The following NPAS2 variants were observed in gnomAD, a reference collection of about 807,000 sequenced individuals.
NPAS2 encodes the protein neuronal PAS domain-containing protein 2.
NPAS2 carries 23 observed loss-of-function variants against 107.5 expected under a neutral mutation model. The ratio of observed to expected loss-of-function variants is 0.21; its 90% CI spans 0.15 to 0.30. NPAS2 has a LOEUF of 0.30. NPAS2 is among the 10% of genes least tolerant of loss of function. The pLI is 1.00. For synonymous variants in NPAS2, 403 were observed against 417.5 expected, an observed-to-expected ratio of 0.97 and a Z score of 0.42; for missense variants, 756 against 1,043.3, an observed-to-expected ratio of 0.72 and a Z score of 3.79.
chr2:100,925,968 C>A (rs1209265812), intron 3 of NPAS2, among the ~76,000 whole-genome samples: 5 of 152,150 alleles, frequency 3.3e-5, no homozygotes. Flanking sequence ...CAGATCCTGG[C>A]AACCACGAAT....
At chr2:100,881,286 C>G (rs1330282370) in intron 1 of NPAS2, among the ~76,000 whole-genome samples, 1 of 152,222 alleles carries the variant, frequency 6.6e-6, no homozygotes, top group East Asian at 1.9e-4. Context: ...TCCGCCTCAC[C>G]TGGAAGCTGG....
chr2:100,870,573 T>C (rs1261590912), intron 1 of NPAS2, among the ~76,000 whole-genome samples: 2 of 152,186 alleles, frequency 1.3e-5, no homozygotes, highest in African/African-American at 4.8e-5. Context: ...TTTTTGTGTT[T>C]TTGTAGAGAT....
intron 7 of NPAS2, among the ~76,000 whole-genome samples, chr2:100,961,680 G>T (rs1386052500): frequency 6.6e-6 from 1 of 152,180 alleles, no homozygotes; most frequent in Non-Finnish European, 1.5e-5. Context: ...CATGGTCCAG[G>T]TCGCTGCTGC....
chr2:100,934,305 T>C (rs1357428760), intron 4 of NPAS2: 2 of 144,348 alleles, frequency 1.4e-5, no homozygotes, highest in Non-Finnish European at 3.0e-5. Flanking sequence ...TAAGAGCCTG[T>C]AGCACAACCT....
chr2:100,867,977 T>A (rs182160510), intron 1 of NPAS2, among the ~76,000 whole-genome samples: 1 of 152,338 alleles, frequency 6.6e-6, no homozygotes, highest in Admixed American at 6.5e-5. Context: ...TAAATTTCAA[T>A]TTAATTAATG....
chr2:100,850,912 C>T (rs1678128111), intron 1 of NPAS2, among the ~76,000 whole-genome samples: 1 of 117,156 alleles, frequency 8.5e-6, no homozygotes, highest in African/African-American at 3.4e-5. Flanking sequence ...AAGATCGCAC[C>T]ATTGTACTCT....
At chr2:100,862,780 C>T (rs538938955) in intron 1 of NPAS2, among the ~76,000 whole-genome samples, 2 of 152,296 alleles carry the variant, frequency 1.3e-5, no homozygotes, top group South Asian at 2.1e-4. Flanking sequence ...AGACAGTGCT[C>T]CACTTCCTGT....
chr2:100,900,306 A>C (rs114539037), intron 1 of NPAS2, among the ~76,000 whole-genome samples: 305 of 152,338 alleles, frequency 2.0e-3, no homozygotes, highest in African/African-American at 6.9e-3. Context: ...ATCTTACAAA[A>C]GAAGATATCT....
Position 100,820,991 on chromosome 2 carries a change from GC to G in NPAS2, c.-23+584del. On this transcript the variant is annotated intron_variant, in intron 1 of 20. Transcript: ENST00000335681. The surrounding 1 kb of genome is among the most constrained non-coding windows in gnomAD (Gnocchi z 5.6). Reference sequence around the variant, plus strand: ...CAGCCTGGCTCCTCACGTCGCTGCCGCCCCCCCACCCCAACTCCGGAGCTCC... The same window carrying G: ...CAGCCTGGCTCCTCACGTCGCTGCCGCCCCCCACCCCAACTCCGGAGCTCC... 2.4e-6 allele frequency: 3 copies of G among 1,260,164 alleles called. No individual in the cohort carries two copies. Among genetic ancestry groups the G allele is most frequent in the African/African-American group, 1.6e-5 (1 of 64,146 alleles). The allele number at this position is 1,260,164 out of a possible 1,614,324, so 78.1% of individuals were successfully genotyped here.
intron 1 of NPAS2, among the ~76,000 whole-genome samples, chr2:100,902,951 G>A (rs1336629944): frequency 2.6e-5 from 4 of 152,162 alleles, no homozygotes; most frequent in African/African-American, 9.7e-5. Flanking sequence ...AGAGCATCCA[G>A]GTTTTATAGA....
At chr2:100,873,305 T>TACAC (rs1369269644) in intron 1 of NPAS2, among the ~76,000 whole-genome samples, 79 of 38,258 alleles carry the variant, frequency 2.1e-3, no homozygotes, top group East Asian at 0.012. Flanking sequence ...TATATATATA[T>TACAC]ATACACACAC....
At chr2:100,844,565 C>T (rs978811338) in intron 1 of NPAS2, among the ~76,000 whole-genome samples, 2 of 152,100 alleles carry the variant, frequency 1.3e-5, no homozygotes, top group Non-Finnish European at 2.9e-5. Context: ...TGATATGCAT[C>T]GACTGCAGAG....
intron 2 of NPAS2, among the ~76,000 whole-genome samples, chr2:100,918,987 C>A (rs544952304): frequency 1.7e-4 from 26 of 152,272 alleles, no homozygotes; most frequent in Admixed American, 5.2e-4. Context: ...TGGAAACAAC[C>A]CACATTTCCT....
intron 7 of NPAS2, among the ~76,000 whole-genome samples, chr2:100,950,324 A>G (rs966689954): frequency 2.6e-5 from 4 of 152,236 alleles, no homozygotes; most frequent in African/African-American, 4.8e-5. Flanking sequence ...GAATGGGGGA[A>G]AAAAGAGGAA....
intron 3 of NPAS2, 135 bp downstream of exon 3, chr2:100,925,429 G>A: frequency 1.2e-6 from 1 of 854,100 alleles, no homozygotes; most frequent in Non-Finnish European, 1.8e-6. Context: ...GCTTCCCATT[G>A]TAAAGACACT....
At chr2:100,923,248 GA>G (rs1031422061) in intron 2 of NPAS2, among the ~76,000 whole-genome samples, 2 of 152,144 alleles carry the variant, frequency 1.3e-5, no homozygotes, top group Non-Finnish European at 2.9e-5. Flanking sequence ...AGACAGGGAG[GA>G]GGGGAGAGGC....
chr2:100,900,303 A>G (rs939813553), intron 1 of NPAS2, among the ~76,000 whole-genome samples: 2 of 152,210 alleles, frequency 1.3e-5, no homozygotes, highest in African/African-American at 4.8e-5. Flanking sequence ...GACATCTTAC[A>G]AAAGAAGATA....
chr2:100,842,081 G>GCGCGCACGCACGCACACACACA, intron 1 of NPAS2, among the ~76,000 whole-genome samples: 1 of 148,798 alleles, frequency 6.7e-6, no homozygotes, highest in South Asian at 2.1e-4. Context: ...GCATGTACGC[G>GCGCGCACGCACGCACACACACA]CACACACACA....
intron 8 of NPAS2, among the ~76,000 whole-genome samples, chr2:100,964,545 G>A (rs1229056304): frequency 2.0e-5 from 3 of 152,182 alleles, no homozygotes; most frequent in Non-Finnish European, 4.4e-5. Context: ...CAACATCGAT[G>A]GCATGAATGT....
Sources: gnomAD v4.1 joint callset for allele counts (sites outside exome capture counted in the v4.1 genomes callset) on GRCh38, gnomAD v4.1.1 for gene constraint, Gnocchi (gnomAD v3.1) non-coding constraint, MANE v1.5 for transcripts, NCBI Gene and HGNC (gene_info 2026-07-23, HGNC 2026-07-21) for gene names.